FBXW8: variants seen among roughly 807,000 people sequenced by gnomAD.
The protein encoded by FBXW8 is F-box/WD repeat-containing protein 8.
FBXW8 carries 57 observed loss-of-function variants against 65.3 expected under a neutral mutation model. That is an observed-to-expected ratio of 0.87 (90% CI 0.71 to 1.09). The LOEUF (loss-of-function observed/expected upper bound fraction) is 1.09. Ranked by LOEUF, FBXW8 falls within the 50% of genes least tolerant of loss-of-function variation. The probability of loss-of-function intolerance (pLI) is 0.00; values close to 1 mark genes in which losing one functional copy is unlikely to be tolerated. For synonymous variants in FBXW8, 308 were observed against 330.2 expected, an observed-to-expected ratio of 0.93 and a Z score of 0.73; for missense variants, 777 against 814.8, an observed-to-expected ratio of 0.95 and a Z score of 0.57.
In FBXW8 at chr12:116,945,543, A is replaced by G. The variant is rs374687323; in HGVS notation, c.588+15A>G. 79 of 1,611,486 alleles carry G rather than the reference A, an allele frequency of 4.9e-5. No homozygotes were observed. In the East Asian group the frequency reaches 5.1e-4, roughly 10 times the overall value. The stretch of plus-strand genomic sequence containing the variant: ...CCAACTGGAAGGTGGGCAGTGGCCA[A>G]TATCATTACCTGTGAAAGAATAGCC... On this transcript the variant is annotated intron_variant, in intron 3 of 10. Transcript: ENST00000652555.
intron 7 of FBXW8, among the ~76,000 whole-genome samples, chr12:116,996,256 T>A (rs1458905648): frequency 6.6e-6 from 1 of 152,234 alleles, no homozygotes; most frequent in Non-Finnish European, 1.5e-5. Flanking sequence ...ACAAGGACGC[T>A]TGCTTGGCGC....
At chr12:116,996,382 T>C (rs1262043230) in intron 7 of FBXW8, among the ~76,000 whole-genome samples, 1 of 152,118 alleles carries the variant, frequency 6.6e-6, no homozygotes, top group Non-Finnish European at 1.5e-5. Context: ...CATCACGAGT[T>C]GAAATATCTG....
intron 8 of FBXW8, among the ~76,000 whole-genome samples, chr12:117,018,505 G>T (rs988631858): frequency 6.6e-6 from 1 of 152,236 alleles, no homozygotes; most frequent in African/African-American, 2.4e-5. Flanking sequence ...CCTGTGCTGC[G>T]CGCTGTCAGA....
Position 116,954,137 on chromosome 12 carries a change from A to T in FBXW8, c.677+4431A>T, listed in dbSNP as rs536958129. On this transcript the variant is annotated intron_variant, in intron 4 of 10. Transcript: ENST00000652555. ...AAAAAAAAAAAAAAAAAAAAAAAGA[A>T]AAAGCAGTGGTAAAAACCATGTTGT... Among the ~76,000 whole-genome samples, 3 of 152,042 alleles carry T rather than the reference A, an allele frequency of 2.0e-5. No homozygotes were observed. The East Asian group carries it at 5.8e-4, about 29-fold the overall frequency.
At chr12:117,017,877 T>G (rs1159959154) in intron 8 of FBXW8, among the ~76,000 whole-genome samples, 1 of 152,146 alleles carries the variant, frequency 6.6e-6, no homozygotes, top group African/African-American at 2.4e-5. Flanking sequence ...CCCTGAGTTG[T>G]GACCCCCCAA....
At chr12:117,022,634 G>A (rs1954126704) in intron 8 of FBXW8, among the ~76,000 whole-genome samples, 1 of 152,208 alleles carries the variant, frequency 6.6e-6, no homozygotes, top group African/African-American at 2.4e-5. Context: ...CAGCCTGGGT[G>A]ATGGGAGTGA....
chr12:116,928,551 AT>A (rs1223633937), intron 2 of FBXW8, among the ~76,000 whole-genome samples: 2 of 152,208 alleles, frequency 1.3e-5, no homozygotes, highest in East Asian at 3.8e-4. Context: ...AGGTGAAGTC[AT>A]GTTTTAGGTG....
At chr12:116,940,473 T>A (rs1592863501) in intron 2 of FBXW8, among the ~76,000 whole-genome samples, 1 of 145,782 alleles carries the variant, frequency 6.9e-6, no homozygotes, top group South Asian at 2.2e-4. Flanking sequence ...TAAAAAATAG[T>A]GTGGTGGAAG....
chr12:117,026,204 T>G (rs1954222809), intron 9 of FBXW8, among the ~76,000 whole-genome samples: 1 of 152,182 alleles, frequency 6.6e-6, no homozygotes, highest in Admixed American at 6.5e-5. Flanking sequence ...GCTGCAGGCC[T>G]CCACCAAGCC....
Position 116,911,090 on chromosome 12 carries a change from C to G in FBXW8, c.53C>G (p.Ala18Gly). The G allele has an allele frequency of 7.0e-7, 1 of 1,436,712 alleles. No individual in the cohort carries two copies. The allele number at this position is 1,436,712 out of a possible 1,614,324, so 89.0% of individuals were successfully genotyped here. A position where few individuals can be genotyped will look rare whatever the true frequency, so the allele number is the denominator to read the frequency against. Residue 18 changes from alanine (A) to glycine (G), a missense_variant, in exon 1 of 11, where the codon GCG becomes GGG. Ala to Gly is a moderately conservative substitution (Grantham distance 60). Transcript: ENST00000652555. Reference protein sequence around the residue: ...EFRRRWQEELAQAQAPKKRRR... With the variant: ...EFRRRWQEELGQAQAPKKRRR... ...CGTCGGCGCTGGCAGGAGGAGCTGG[C>G]GCAGGCCCAGGCGCCGAAGAAGCGG...
chr12:116,964,705 CA>C lies in FBXW8; in HGVS notation c.687del (p.Asp231MetfsTer2). 1 of 1,613,738 alleles carries C rather than the reference CA, an allele frequency of 6.2e-7. No homozygotes were observed. Among genetic ancestry groups the C allele is most frequent in the Non-Finnish European group, 8.5e-7 (1 of 1,179,966 alleles). On this transcript the variant is annotated frameshift_variant, in exon 5 of 11. Coordinates refer to ENST00000652555, the MANE Select transcript of FBXW8 (RefSeq NM_153348.3). LOFTEE classifies it high-confidence loss of function. ...GTGTCGTTCTCTTCCAGATATACAT[CA>C]GGGGATGTGAGAGTGTGGGACACCC... ...HDGVVIAGYT[S>X]GDVRVWDTRT... is the part of the protein sequence containing the mutation.
chr12:117,010,148 T>C (rs982311699), intron 7 of FBXW8, among the ~76,000 whole-genome samples, 175 bp from the exon 8 acceptor site: 15 of 152,220 alleles, frequency 9.9e-5, no homozygotes, highest in African/African-American at 3.6e-4. Flanking sequence ...GCACTCTTAA[T>C]AGCCATGTCC....
At chr12:116,992,634 T>C (rs777260778) in intron 7 of FBXW8, among the ~76,000 whole-genome samples, 2 of 152,146 alleles carry the variant, frequency 1.3e-5, no homozygotes, top group Non-Finnish European at 2.9e-5. Flanking sequence ...CTCCCACTTA[T>C]AAGTGAGAAC....
intron 10 of FBXW8, 93 bp from the exon 11 acceptor site, chr12:117,027,935 T>C: frequency 1.3e-6 from 2 of 1,531,514 alleles, no homozygotes; most frequent in Non-Finnish European, 8.9e-7. Flanking sequence ...CTCTATCTGG[T>C]CTCAGGCGAA....
intron 5 of FBXW8, among the ~76,000 whole-genome samples, chr12:116,968,675 G>T (rs1337678708): frequency 6.6e-6 from 1 of 152,202 alleles, no homozygotes; most frequent in Non-Finnish European, 1.5e-5. Context: ...GCTCTTACCA[G>T]CAAGCCATGA....
intron 1 of FBXW8, among the ~76,000 whole-genome samples, chr12:116,921,120 A>G (rs1384883148): frequency 6.6e-6 from 1 of 152,216 alleles, no homozygotes; most frequent in Non-Finnish European, 1.5e-5. Context: ...TTTCCTTGCC[A>G]GAGTCCCCAG....
chr12:116,956,936 C>G (rs746393061), intron 4 of FBXW8, among the ~76,000 whole-genome samples: 1 of 152,092 alleles, frequency 6.6e-6, no homozygotes, highest in African/African-American at 2.4e-5. Context: ...CCACTGCTCC[C>G]CAGCCTGGGC....
At chr12:116,971,586 AT>A (rs1216853031) in intron 5 of FBXW8, among the ~76,000 whole-genome samples, 1 of 152,072 alleles carries the variant, frequency 6.6e-6, no homozygotes, top group Non-Finnish European at 1.5e-5. Flanking sequence ...GAAATGATAC[AT>A]GCTCTGGGTA....
intron 8 of FBXW8, among the ~76,000 whole-genome samples, chr12:117,020,657 G>A (rs1954072116): frequency 6.6e-6 from 1 of 152,106 alleles, no homozygotes; most frequent in Admixed American, 6.5e-5. Flanking sequence ...CTTTTGTATT[G>A]AAAGCAGGAG....
Sources: allele counts gnomAD v4.1 joint callset (sites outside exome capture counted in the v4.1 genomes callset), GRCh38; gene constraint gnomAD v4.1.1; transcripts MANE v1.5; gene names NCBI Gene and HGNC (gene_info 2026-07-23, HGNC 2026-07-21).